The following HMBOX1 variants were observed in gnomAD, a reference collection of about 807,000 sequenced individuals.
HMBOX1 encodes the protein homeobox-containing protein 1.
HMBOX1 carries 14 observed loss-of-function variants against 54.5 expected under a neutral mutation model. The observed-to-expected ratio is 0.26, with a 90% CI of 0.17 to 0.40. The LOEUF is 0.40. HMBOX1 is among the 10% of genes least tolerant of loss of function. The pLI is 1.00. For missense variants in HMBOX1, 332 were observed against 514.4 expected (o/e 0.65, Z 3.43); for synonymous variants, 160 against 181.0 (o/e 0.88, Z 0.93).
intron 1 of HMBOX1, among the ~76,000 whole-genome samples, chr8:28,943,868 C>T (rs937270563): frequency 2.0e-5 from 3 of 152,130 alleles, no homozygotes; most frequent in African/African-American, 7.2e-5. Context: ...ACAGATGCTG[C>T]ACTTCTTCTG....
rs570092545 is a variant in HMBOX1, at chr8:28,998,375, G to A, written c.587-10697G>A. ...GTACATTTATAGTTATATCTTCCTC[G>A]TTAATTGAGCCTTTTATTATGTCTT... On this transcript the variant is annotated intron_variant, in intron 4 of 9. Coordinates refer to ENST00000287701, the MANE Select transcript of HMBOX1 (RefSeq NM_001135726.3). Among the ~76,000 whole-genome samples the A allele has an allele frequency of 4.6e-5, 7 of 152,050 alleles. No individual in the cohort carries two copies. In the South Asian group the frequency reaches 6.2e-4, roughly 14 times the overall value.
At chr8:28,946,699 CAT>C (rs1298460168) in intron 1 of HMBOX1, among the ~76,000 whole-genome samples, 2 of 152,024 alleles carry the variant, frequency 1.3e-5, no homozygotes, top group Non-Finnish European at 2.9e-5. Context: ...TTAAAAATAA[CAT>C]AAAAGAATTT....
chr8:29,044,384 T>C (rs1805277971), intron 6 of HMBOX1, among the ~76,000 whole-genome samples: 1 of 152,160 alleles, frequency 6.6e-6, no homozygotes, highest in Admixed American at 6.5e-5. Flanking sequence ...CATGGGTGAC[T>C]GAAAAAGTAG....
chr8:29,028,687 A>G (rs1284172269), intron 6 of HMBOX1, among the ~76,000 whole-genome samples: 1 of 152,204 alleles, frequency 6.6e-6, no homozygotes, highest in Non-Finnish European at 1.5e-5. Flanking sequence ...ACCTGCAAAG[A>G]ACATTCCTTT....
intron 1 of HMBOX1, among the ~76,000 whole-genome samples, chr8:28,905,341 G>A (rs537877202): frequency 1.5e-4 from 23 of 152,050 alleles, no homozygotes; most frequent in African/African-American, 4.3e-4. Flanking sequence ...GCGTGCATGC[G>A]CACACACACG....
chr8:28,958,799 C>G (rs1824942883), intron 1 of HMBOX1, among the ~76,000 whole-genome samples: 1 of 152,038 alleles, frequency 6.6e-6, no homozygotes, highest in Middle Eastern at 3.2e-3. Context: ...CTCTAGTCTT[C>G]TTTTCCATAG....
chr8:28,974,138 C>T (rs1436305474), intron 3 of HMBOX1, among the ~76,000 whole-genome samples: 2 of 151,910 alleles, frequency 1.3e-5, no homozygotes, highest in African/African-American at 4.8e-5. Flanking sequence ...TTTTGTAGAA[C>T]TTCATCAAGT....
At chr8:29,003,937 C>T (rs1396319798) in intron 4 of HMBOX1, among the ~76,000 whole-genome samples, 3 of 152,014 alleles carry the variant, frequency 2.0e-5, no homozygotes, top group Non-Finnish European at 4.4e-5. Flanking sequence ...TGTTATTTTT[C>T]TTATAGTTAC....
chr8:28,970,572 G>GT lies in HMBOX1; in HGVS notation c.500+58dup. The GT allele has an allele frequency of 8.6e-7, 1 of 1,164,182 alleles. No individual in the cohort carries two copies. The highest frequency in any genetic ancestry group is 1.2e-6 in the Non-Finnish European group (1 of 820,358). The allele number at this position is 1,164,182 out of a possible 1,614,324, so 72.1% of individuals were successfully genotyped here. On this transcript the variant is annotated intron_variant, in intron 3 of 9. Coordinates refer to ENST00000287701, the MANE Select transcript of HMBOX1 (RefSeq NM_001135726.3). This position sits in a 1 kb window ranked among gnomAD's most constrained non-coding sequence, Gnocchi z 4.3. ...CTAAAAATGTCTGTATTCTTAGATTGTTTTTAAGTAGTATGCTGCGTTTCA... is the reference window on the plus strand; with the variant it reads ...CTAAAAATGTCTGTATTCTTAGATTGTTTTTTAAGTAGTATGCTGCGTTTCA...
intron 3 of HMBOX1, among the ~76,000 whole-genome samples, chr8:28,979,117 T>G (rs1828926293): frequency 6.6e-6 from 1 of 152,226 alleles, no homozygotes; most frequent in Admixed American, 6.5e-5. Context: ...CTGTGTTAGA[T>G]AAGAAGTTAC....
At chr8:28,939,440 C>T (rs2131998965) in intron 1 of HMBOX1, among the ~76,000 whole-genome samples, 1 of 152,270 alleles carries the variant, frequency 6.6e-6, no homozygotes, top group South Asian at 2.1e-4. Context: ...ATCTTTGATG[C>T]TCTGAAATAG....
At chr8:28,967,389 G>A (rs1826609742) in intron 2 of HMBOX1, among the ~76,000 whole-genome samples, 1 of 152,186 alleles carries the variant, frequency 6.6e-6, no homozygotes, top group African/African-American at 2.4e-5. Context: ...TTCATATGCT[G>A]TGAAATCTTT....
intron 1 of HMBOX1, among the ~76,000 whole-genome samples, chr8:28,917,921 T>C (rs1816856222): frequency 6.6e-6 from 1 of 152,206 alleles, no homozygotes; most frequent in Non-Finnish European, 1.5e-5. Context: ...TTGAGGATTT[T>C]TTCATCTGTG....
At chr8:28,998,440 G>A (rs1465360746) in intron 4 of HMBOX1, among the ~76,000 whole-genome samples, 1 of 151,696 alleles carries the variant, frequency 6.6e-6, no homozygotes, top group South Asian at 2.1e-4. Context: ...GGTCTATTTT[G>A]TCTTACATTA....
intron 6 of HMBOX1, among the ~76,000 whole-genome samples, chr8:29,043,696 G>A (rs1233461695): frequency 1.3e-5 from 2 of 152,190 alleles, no homozygotes; most frequent in African/African-American, 4.8e-5. Flanking sequence ...AGTCTGAGGT[G>A]GGGTCTGAGA....
chr8:28,960,775 T>TG (rs1563472949), intron 1 of HMBOX1, among the ~76,000 whole-genome samples: 1 of 56,594 alleles, frequency 1.8e-5, no homozygotes, highest in African/African-American at 6.0e-5. Flanking sequence ...CTTTTTTTTT[T>TG]TTTTTTTTTT....
intron 1 of HMBOX1, among the ~76,000 whole-genome samples, chr8:28,912,125 G>A (rs1034718857): frequency 2.2e-4 from 33 of 152,076 alleles, no homozygotes; most frequent in African/African-American, 7.7e-4. Context: ...AGCACATTTT[G>A]ATTAGGCTAG....
intron 1 of HMBOX1, among the ~76,000 whole-genome samples, chr8:28,925,591 G>T: frequency 6.6e-6 from 1 of 151,898 alleles, no homozygotes; most frequent in East Asian, 1.9e-4. Flanking sequence ...AAACCACCTT[G>T]ACCCTGTCAG....
At chr8:28,954,978 T>C (rs1282231970) in intron 1 of HMBOX1, among the ~76,000 whole-genome samples, 7 of 152,188 alleles carry the variant, frequency 4.6e-5, no homozygotes, top group African/African-American at 1.7e-4. Context: ...CAGGTTCTTA[T>C]TCCTAATAGA....
Sources: gnomAD v4.1 joint callset for allele counts (sites outside exome capture counted in the v4.1 genomes callset) on GRCh38, gnomAD v4.1.1 for gene constraint, Gnocchi (gnomAD v3.1) non-coding constraint, MANE v1.5 for transcripts, NCBI Gene and HGNC (gene_info 2026-07-23, HGNC 2026-07-21) for gene names.